Variants in IFFO1 observed in about 807,000 individuals in gnomAD.
IFFO1 encodes non-homologous end joining factor IFFO1.
IFFO1 carries 42 observed loss-of-function variants against 59.6 expected under a neutral mutation model. That is an observed-to-expected ratio of 0.70 (90% CI 0.55 to 0.91). The LOEUF is 0.91. Ranked by LOEUF, IFFO1 falls within the 40% of genes least tolerant of loss-of-function variation. The pLI, the probability that IFFO1 is intolerant of heterozygous loss-of-function variation, is 0.00. For missense variants in IFFO1, 711 were observed against 793.2 expected (o/e 0.90, Z 1.24); for synonymous variants, 336 against 342.8 (o/e 0.98, Z 0.22).
Position 6,548,255 on chromosome 12 carries a change from G to GC in IFFO1, c.1384-96_1384-95insG. ...AGTCAGGGAGAGAGAGAGAGAGGAA[G>GC]TCTGGTTAAAGAAACTGGAGAAAGA... is the stretch of plus-strand genomic sequence containing the variant. On this transcript the variant is annotated intron_variant, in intron 7 of 9. Transcript: ENST00000619571. This position sits in a 1 kb window ranked among gnomAD's most constrained non-coding sequence, Gnocchi z 6.1. 2 of 1,353,086 alleles carry GC rather than the reference G, an allele frequency of 1.5e-6. No individual in the cohort carries two copies. The highest frequency in any genetic ancestry group is 2.1e-6 in the Non-Finnish European group (2 of 946,334). 83.8% of individuals were successfully genotyped at this position (1,353,086 alleles called of 1,614,324 possible). A position where few individuals can be genotyped will look rare whatever the true frequency, so the allele number is the denominator to read the frequency against.
Position 6,541,467 on chromosome 12 carries a change from CGCT to C in IFFO1, c.1610+42_1610+44del. 6.2e-7 allele frequency: 1 copy of C among 1,607,430 alleles called. No individual in the cohort carries two copies. The highest frequency in any genetic ancestry group is 1.1e-5 in the South Asian group (1 of 90,940). ...GGGGCTGTGTTCCAACCTTTCTCCC[CGCT>C]GTGTCCCCCTGGAAGGCCCCATGCC... On this transcript the variant is annotated intron_variant, in intron 9 of 9. Transcript: ENST00000619571. This position sits in a 1 kb window ranked among gnomAD's most constrained non-coding sequence, Gnocchi z 4.8.
At chr12:6,553,919 C>T (rs1182096007) in intron 1 of IFFO1, among the ~76,000 whole-genome samples, 1 of 152,190 alleles carries the variant, frequency 6.6e-6, no homozygotes, top group Non-Finnish European at 1.5e-5. Flanking sequence ...TGGGTGGGAT[C>T]ACTAGTGCAG....
Position 6,549,025 on chromosome 12 carries a change from A to T in IFFO1, c.1081-176T>A. 1.6e-6 allele frequency: 1 copy of T among 617,486 alleles called. No individual in the cohort carries two copies. The highest frequency in any genetic ancestry group is 2.8e-5 in the East Asian group (1 of 36,282). The allele number at this position is 617,486 out of a possible 1,614,324, so 38.3% of individuals were successfully genotyped here. ...GACAGTCACCAAGGGCCAGACACAC[A>T]GCGGGGGTCAGGGCTGCAAACCGAG... is the stretch of plus-strand genomic sequence containing the variant. On this transcript the variant is annotated intron_variant, in intron 5 of 9. Coordinates refer to ENST00000619571, the MANE Select transcript of IFFO1 (RefSeq NM_001193457.2). This position sits in a 1 kb window ranked among gnomAD's most constrained non-coding sequence, Gnocchi z 5.0.
At chr12:6,544,799 CT>C (rs1357846715) in intron 8 of IFFO1, 1 of 152,226 alleles carries the variant, frequency 6.6e-6, no homozygotes, top group African/African-American at 2.4e-5. Flanking sequence ...CCTCATCTAC[CT>C]GGCCAAGAAA....
At chr12:6,543,361 G>A (rs912703871) in intron 8 of IFFO1, 3 of 152,238 alleles carry the variant, frequency 2.0e-5, no homozygotes, top group Non-Finnish European at 2.9e-5. Flanking sequence ...GCAAGTGAGT[G>A]AAGCTTCATC....
intron 8 of IFFO1, among the ~76,000 whole-genome samples, chr12:6,544,564 G>A (rs1188068361): frequency 6.6e-6 from 1 of 152,228 alleles, no homozygotes; most frequent in Non-Finnish European, 1.5e-5. Context: ...GGGAAGACTA[G>A]GGAGAGATGG....
In IFFO1 at chr12:6,548,856, AGAC is replaced by A; in HGVS notation, c.1081-10_1081-8del. 1 of 1,601,836 alleles carries A rather than the reference AGAC, an allele frequency of 6.2e-7. No homozygotes were observed. The highest frequency in any genetic ancestry group is 1.7e-4 in the Middle Eastern group (1 of 6,030). ...TGGGAGACAAGTGCAGAGACTACAG[AGAC>A]GAGGCCGGGTGCATGAGGAGAAAGG... On this transcript the variant is annotated splice_polypyrimidine_tract_variant and splice_region_variant and intron_variant, in intron 5 of 9. Coordinates refer to ENST00000619571, the MANE Select transcript of IFFO1 (RefSeq NM_001193457.2). The surrounding 1 kb of genome is among the most constrained non-coding windows in gnomAD (Gnocchi z 6.1).
In IFFO1 at chr12:6,550,938, C is replaced by T. The variant is rs1947206711; in HGVS notation, c.834+3G>A. ...CCAGCAGCAAGTGGGGCGCCACCCT[C>T]ACCTCCTGGAGCTCATTTACACGGT... is the stretch of plus-strand genomic sequence containing the variant. On this transcript the variant is annotated splice_donor_region_variant and intron_variant, in intron 2 of 9. Coordinates refer to ENST00000619571, the MANE Select transcript of IFFO1 (RefSeq NM_001193457.2). 1 of 1,614,058 alleles carries T rather than the reference C, an allele frequency of 6.2e-7. No homozygotes were observed. The highest frequency in any genetic ancestry group is 1.7e-5 in the Admixed American group (1 of 60,000).
At chr12:6,544,837 G>A (rs1210847478) in intron 8 of IFFO1, 1 of 152,224 alleles carries the variant, frequency 6.6e-6, no homozygotes, top group Non-Finnish European at 1.5e-5. Context: ...GAGCAGGACA[G>A]TTTGATGTGT....
intron 8 of IFFO1, among the ~76,000 whole-genome samples, chr12:6,547,719 G>A (rs1253101289): frequency 6.6e-6 from 1 of 150,724 alleles, no homozygotes; most frequent in African/African-American, 2.5e-5. Flanking sequence ...GAGAGGGAGG[G>A]AGGGATAGAG....
Position 6,548,844 on chromosome 12 carries a change from C to T in IFFO1, c.1086G>A (p.Leu362=), listed in dbSNP as rs1402062974. 2.5e-6 allele frequency: 4 copies of T among 1,605,324 alleles called. No homozygotes were observed. The African/African-American group carries it at 5.4e-5, about 22-fold the overall frequency. The part of the protein sequence containing the change: ...MIQMFQKKLS[L]HLSPIKVPSM... ...ATGGGACCTTAATGGGAGACAAGTGCAGAGACTACAGAGACGAGGCCGGGT... is the reference window on the plus strand; with the variant it reads ...ATGGGACCTTAATGGGAGACAAGTGTAGAGACTACAGAGACGAGGCCGGGT... Residue 362 remains leucine, a synonymous_variant, in exon 6 of 10, where the codon CTG becomes CTA. Coordinates refer to ENST00000619571, the MANE Select transcript of IFFO1 (RefSeq NM_001193457.2). The surrounding 1 kb of genome is among the most constrained non-coding windows in gnomAD (Gnocchi z 6.1).
chr12:6,541,411 G>A lies in IFFO1; in HGVS notation c.1610+101C>T. On this transcript the variant is annotated intron_variant, in intron 9 of 9. Transcript: ENST00000619571. The surrounding 1 kb of genome is among the most constrained non-coding windows in gnomAD (Gnocchi z 4.8). ...CTCCCAAAGGGCAGCCCCACAGCAAGATGTGACCCAGTCATTGCCTGAGGG... is the reference window on the plus strand; with the variant it reads ...CTCCCAAAGGGCAGCCCCACAGCAAAATGTGACCCAGTCATTGCCTGAGGG... The A allele has an allele frequency of 6.8e-7, 1 of 1,468,864 alleles. No individual in the cohort carries two copies. The highest frequency in any genetic ancestry group is 9.3e-7 in the Non-Finnish European group (1 of 1,077,138). The allele number at this position is 1,468,864 out of a possible 1,614,324, so 91.0% of individuals were successfully genotyped here.
chr12:6,548,388 A>G lies in IFFO1; in HGVS notation c.1383+37T>C, dbSNP rs1039034403. On this transcript the variant is annotated intron_variant, in intron 7 of 9. Transcript: ENST00000619571. The surrounding 1 kb of genome is among the most constrained non-coding windows in gnomAD (Gnocchi z 6.1). ...GGAGTGGGCTTCAGGCTGGAGAGGC[A>G]GAGCCAGAGGGCCCTGAGGCCGGGA... 1 of 1,582,612 alleles carries G rather than the reference A, an allele frequency of 6.3e-7. No individual in the cohort carries two copies. Among genetic ancestry groups the G allele is most frequent in the South Asian group, 1.2e-5 (1 of 85,034 alleles).
chr12:6,550,063 C>T (rs1292697362), intron 3 of IFFO1, 167 bp from the exon 4 acceptor site: 3 of 693,128 alleles, frequency 4.3e-6, no homozygotes, highest in Non-Finnish European at 7.0e-6. Context: ...GTGGCCTCCC[C>T]ACAGCACTGT....
Position 6,540,359 on chromosome 12 carries a change from C to T in IFFO1, c.*124G>A, listed in dbSNP as rs1022152254. On this transcript the variant is annotated 3_prime_UTR_variant, in exon 10 of 10. Coordinates refer to ENST00000619571, the MANE Select transcript of IFFO1 (RefSeq NM_001193457.2). ...AGGGAGAAAGCCTGAGGGAGGAGCG[C>T]CCCAGTCCCCAGGGACCGGCCTGGT... The T allele has an allele frequency of 1.2e-6, 1 of 800,388 alleles. No individual in the cohort carries two copies. The highest frequency in any genetic ancestry group is 1.4e-5 in the South Asian group (1 of 69,894). The allele number at this position is 800,388 out of a possible 1,614,324, so 49.6% of individuals were successfully genotyped here.
In IFFO1 at chr12:6,555,856, C is replaced by G; in HGVS notation, c.174G>C (p.Pro58=). 12 of 1,607,718 alleles carry G rather than the reference C, an allele frequency of 7.5e-6. No homozygotes were observed. The highest frequency in any genetic ancestry group is 2.2e-5 in the South Asian group (2 of 90,826). ...PAAYSPPGPG[P]APPAAMALRN... is the part of the protein sequence containing the mutation. ...GGAGGGCCATGGCGGCAGGCGGGGC[C>G]GGGCCCGGCCCGGGCGGCGAGTAGG... Residue 58 remains proline (P), a synonymous_variant, in exon 1 of 10, where the codon CCG becomes CCC. Transcript: ENST00000619571. This position sits in a 1 kb window ranked among gnomAD's most constrained non-coding sequence, Gnocchi z 8.6.
Position 6,549,226 on chromosome 12 carries a change from G to C in IFFO1, c.1080+250C>G. ...AAGCTTTAGGACGCAAGGAGGATGAGTGTGCAATGTGTACAAAAGAGAACC... is the reference window on the plus strand; with the variant it reads ...AAGCTTTAGGACGCAAGGAGGATGACTGTGCAATGTGTACAAAAGAGAACC... On this transcript the variant is annotated intron_variant, in intron 5 of 9. Coordinates refer to ENST00000619571, the MANE Select transcript of IFFO1 (RefSeq NM_001193457.2). This position sits in a 1 kb window ranked among gnomAD's most constrained non-coding sequence, Gnocchi z 5.0. 1 of 579,514 alleles carries C rather than the reference G, an allele frequency of 1.7e-6. No homozygotes were observed. Among genetic ancestry groups the C allele is most frequent in the South Asian group, 2.3e-5 (1 of 43,588 alleles). The allele number at this position is 579,514 out of a possible 1,614,324, so 35.9% of individuals were successfully genotyped here.
Position 6,555,892 on chromosome 12 carries a change from G to A in IFFO1, c.138C>T (p.Ala46=). Reference sequence around the variant, plus strand: ...CGGGCGGCGAGTAGGCAGCAGGGCCGGCCGGCGAGAGAGGCGCCGGGGGCA... The same window carrying A: ...CGGGCGGCGAGTAGGCAGCAGGGCCAGCCGGCGAGAGAGGCGCCGGGGGCA... ...GDLPPAPLSP[A]GPAAYSPPGP... The change falls in exon 1 of 10, where the codon GCC becomes GCT. Residue 46 remains alanine, a synonymous_variant. Coordinates refer to ENST00000619571, the MANE Select transcript of IFFO1 (RefSeq NM_001193457.2). The surrounding 1 kb of genome is among the most constrained non-coding windows in gnomAD (Gnocchi z 8.6). 1.3e-6 allele frequency: 2 copies of A among 1,580,742 alleles called. No homozygotes were observed. The highest frequency in any genetic ancestry group is 1.7e-6 in the Non-Finnish European group (2 of 1,167,024).
At position 6,540,301 on chromosome 12, in the gene IFFO1, A is replaced by G; in HGVS notation, c.*182T>C. ...GAATGGTAGGGCCAAGCCTAGCTCC[A>G]GACACCCCAGAGCCCTGGAGAAGCC... On this transcript the variant is annotated 3_prime_UTR_variant, in exon 10 of 10. Transcript: ENST00000619571. 2 of 611,134 alleles carry G rather than the reference A, an allele frequency of 3.3e-6. No individual in the cohort carries two copies. The highest frequency in any genetic ancestry group is 5.8e-6 in the Non-Finnish European group (2 of 343,148). 37.9% of individuals were successfully genotyped at this position (611,134 alleles called of 1,614,324 possible).
Sources: gnomAD v4.1 joint callset for allele counts (sites outside exome capture counted in the v4.1 genomes callset) on GRCh38, gnomAD v4.1.1 for gene constraint, Gnocchi (gnomAD v3.1) non-coding constraint, MANE v1.5 for transcripts, NCBI Gene and HGNC (gene_info 2026-07-23, HGNC 2026-07-21) for gene names.